The following MORN5 variants were observed in gnomAD, a reference collection of about 807,000 sequenced individuals.
MORN5 encodes the protein MORN repeat containing 5.
A neutral mutation model predicts 22.1 loss-of-function variants in MORN5; 21 were observed. The observed-to-expected ratio is 0.95, with a 90% confidence interval of 0.67 to 1.37. The LOEUF is 1.37. Ranked by LOEUF, MORN5 falls within the 40% of genes most tolerant of loss-of-function variation. MORN5 has a pLI of 0.00. For synonymous variants in MORN5, 73 were observed against 74.0 expected, an observed-to-expected ratio of 0.99 and a Z score of 0.07; for missense variants, 211 against 215.1, an observed-to-expected ratio of 0.98 and a Z score of 0.12.
chr9:122,175,266 C>A (rs960358606), intron 4 of MORN5, among the ~76,000 whole-genome samples: 1 of 152,010 alleles, frequency 6.6e-6, no homozygotes, highest in African/African-American at 2.4e-5. Context: ...GGTTTCCCAG[C>A]GAGAGGAAAT....
chr9:122,166,029 C>T (rs937984282), intron 1 of MORN5, among the ~76,000 whole-genome samples: 30 of 152,112 alleles, frequency 2.0e-4, no homozygotes, highest in East Asian at 3.9e-4. Flanking sequence ...TCATGGTGGA[C>T]GCAAAGGGGG....
At chr9:122,182,705 C>T (rs759941551) in intron 4 of MORN5, among the ~76,000 whole-genome samples, 6 of 152,176 alleles carry the variant, frequency 3.9e-5, no homozygotes, top group Non-Finnish European at 5.9e-5. Context: ...GAGCTGAGAT[C>T]GTGCCACTGC....
At chr9:122,187,177 C>T (rs751223099) in intron 4 of MORN5, among the ~76,000 whole-genome samples, 1 of 152,262 alleles carries the variant, frequency 6.6e-6, no homozygotes, top group Non-Finnish European at 1.5e-5. Flanking sequence ...TTGACAATCA[C>T]AGTCGTGATC....
chr9:122,186,635 C>A (rs1182300736), intron 4 of MORN5, among the ~76,000 whole-genome samples: 1 of 152,116 alleles, frequency 6.6e-6, no homozygotes, highest in Admixed American at 6.6e-5. Context: ...CCTGGAAATT[C>A]CCCTTCCAGC....
chr9:122,190,573 C>A (rs1389640346), intron 4 of MORN5, among the ~76,000 whole-genome samples: 3 of 152,214 alleles, frequency 2.0e-5, no homozygotes, highest in African/African-American at 7.2e-5. Context: ...TCATCTTTTT[C>A]TAAGCCTTTT....
intron 4 of MORN5, among the ~76,000 whole-genome samples, chr9:122,187,939 T>C (rs1346365324): frequency 6.6e-6 from 1 of 152,054 alleles, no homozygotes; most frequent in Admixed American, 6.6e-5. Context: ...TTCTGCTGCA[T>C]GGAAGGGAAG....
rs1268021648 is a variant in MORN5, at chr9:122,197,702, G to GT, written c.440-2180dup. ...GGACTGGTTCAGCACAATACACCCA[G>GT]TTTGTCTGGTTTCAGGGGTTACTGC... is the stretch of plus-strand genomic sequence containing the variant. On this transcript the variant is annotated intron_variant, in intron 4 of 4. Transcript: ENST00000373764. This position sits in a 1 kb window ranked among gnomAD's most constrained non-coding sequence, Gnocchi z 5.7. Among the ~76,000 whole-genome samples, 1 of 152,220 alleles carries GT rather than the reference G, an allele frequency of 6.6e-6. No individual in the cohort carries two copies. The highest frequency in any genetic ancestry group is 1.5e-5 in the Non-Finnish European group (1 of 68,036).
At chr9:122,184,941 A>T (rs560576517) in intron 4 of MORN5, among the ~76,000 whole-genome samples, 7 of 152,380 alleles carry the variant, frequency 4.6e-5, no homozygotes, top group African/African-American at 1.7e-4. Flanking sequence ...TAGCAGCCCT[A>T]TATTTTATAG....
intron 4 of MORN5, among the ~76,000 whole-genome samples, chr9:122,175,205 A>C (rs1324481697): frequency 6.6e-6 from 1 of 152,196 alleles, no homozygotes; most frequent in Non-Finnish European, 1.5e-5. Flanking sequence ...AATGACTTCT[A>C]AGCTGAGACC....
intron 4 of MORN5, among the ~76,000 whole-genome samples, chr9:122,181,304 T>C (rs1001995017): frequency 6.6e-6 from 1 of 152,146 alleles, no homozygotes; most frequent in Non-Finnish European, 1.5e-5. Context: ...CTTAAAGCCT[T>C]TGAGCTCCGG....
At chr9:122,161,259 C>T (rs1358533135) in intron 1 of MORN5, among the ~76,000 whole-genome samples, 1 of 152,158 alleles carries the variant, frequency 6.6e-6, no homozygotes, top group East Asian at 1.9e-4. Context: ...AAAGAGGGAT[C>T]TGTGGTCTGG....
At chr9:122,191,958 G>T (rs1293027050) in intron 4 of MORN5, among the ~76,000 whole-genome samples, 1 of 152,172 alleles carries the variant, frequency 6.6e-6, no homozygotes, top group Non-Finnish European at 1.5e-5. Context: ...ATCCATTTTG[G>T]GAATGAAAGA....
chr9:122,177,890 C>T (rs1021301791), intron 4 of MORN5, among the ~76,000 whole-genome samples: 1 of 152,222 alleles, frequency 6.6e-6, no homozygotes, highest in African/African-American at 2.4e-5. Context: ...GCCCTCTCCC[C>T]TTCTCCCACA....
chr9:122,187,486 C>T (rs1829661937), intron 4 of MORN5, among the ~76,000 whole-genome samples: 1 of 152,136 alleles, frequency 6.6e-6, no homozygotes, highest in Non-Finnish European at 1.5e-5. Context: ...ACCAGGGTTT[C>T]ACTTGGGGAT....
intron 4 of MORN5, among the ~76,000 whole-genome samples, chr9:122,185,680 C>T (rs928025327): frequency 1.3e-5 from 2 of 152,126 alleles, no homozygotes; most frequent in African/African-American, 4.8e-5. Flanking sequence ...TGTTTCAGTG[C>T]CACTGACAAA....
At chr9:122,160,165 G>A in intron 1 of MORN5, 146 bp downstream of exon 1, 3 of 668,236 alleles carry the variant, frequency 4.5e-6, no homozygotes, top group Non-Finnish European at 7.9e-6. Context: ...CTAATAAGCA[G>A]CAAAGCTAAG....
intron 4 of MORN5, among the ~76,000 whole-genome samples, chr9:122,176,364 A>T (rs1374471072): frequency 6.6e-6 from 1 of 152,202 alleles, no homozygotes; most frequent in Non-Finnish European, 1.5e-5. Context: ...GGTCAAATAA[A>T]ATAAGGAGAT....
At chr9:122,186,882 T>A (rs565242949) in intron 4 of MORN5, among the ~76,000 whole-genome samples, 2 of 152,276 alleles carry the variant, frequency 1.3e-5, no homozygotes, top group African/African-American at 4.8e-5. Flanking sequence ...TCAGCACTGT[T>A]GACTGAAACC....
intron 2 of MORN5, among the ~76,000 whole-genome samples, chr9:122,169,120 A>G (rs1341960542): frequency 1.3e-5 from 2 of 152,174 alleles, no homozygotes; most frequent in African/African-American, 2.4e-5. Context: ...AACGGATTGT[A>G]TGGTGCCCAC....
Sources: allele counts gnomAD v4.1 joint callset (sites outside exome capture counted in the v4.1 genomes callset), GRCh38; gene constraint gnomAD v4.1.1; non-coding constraint Gnocchi (gnomAD v3.1); transcripts MANE v1.5; gene names NCBI Gene and HGNC (gene_info 2026-07-23, HGNC 2026-07-21).